Variants in CDKL2 observed in about 807,000 individuals in gnomAD.
CDKL2 encodes the protein cyclin-dependent kinase-like 2.
CDKL2 carries 64 observed loss-of-function variants against 63.9 expected under a neutral mutation model. The ratio of observed to expected loss-of-function variants is 1.00; its 90% confidence interval spans 0.82 to 1.23. The LOEUF is 1.23. CDKL2 is among the 50% of genes most tolerant of loss of function. CDKL2 has a pLI of 0.00. For synonymous variants in CDKL2, 211 were observed against 229.2 expected, an observed-to-expected ratio of 0.92 and a Z score of 0.72; for missense variants, 656 against 668.0, an observed-to-expected ratio of 0.98 and a Z score of 0.20.
At chr4:75,606,780 T>C (rs1729441546) in intron 4 of CDKL2, among the ~76,000 whole-genome samples, 1 of 152,252 alleles carries the variant, frequency 6.6e-6, no homozygotes, top group Non-Finnish European at 1.5e-5. Flanking sequence ...TACAACCCTT[T>C]CTTCTTTGAA....
chr4:75,611,448 G>A lies in CDKL2; in HGVS notation c.363+2807C>T, dbSNP rs184651644. Among the ~76,000 whole-genome samples the A allele has an allele frequency of 3.5e-5, 4 of 115,464 alleles. No homozygotes were observed. In the East Asian group the frequency reaches 8.5e-4, roughly 25 times the overall value. The allele number at this position is 115,464 out of a possible 152,430, so 75.7% of individuals were successfully genotyped here. A position where few individuals can be genotyped will look rare whatever the true frequency, so the allele number is the denominator to read the frequency against. ...CACTCTAGCATGGGTGACAGAGTGA[G>A]ATTCTGTCTCAAAAAAAAAAAAAAA... On this transcript the variant is annotated intron_variant, in intron 3 of 13. Transcript: ENST00000307465.
At position 75,621,582 on chromosome 4, in the gene CDKL2, T is replaced by A. The variant is rs575527223; in HGVS notation, c.168+4239A>T. On this transcript the variant is annotated intron_variant, in intron 2 of 13. Transcript: ENST00000307465. ...CTACAGTGCCCAGGCTGGAGTGCAG[T>A]GGCTATTCACAGGCATGATCATAGC... 6.3e-4 allele frequency among the ~76,000 whole-genome samples: 96 copies of A among 152,072 alleles called. 1 individual carries two copies. The South Asian group carries it at 6.6e-3, about 11-fold the overall frequency.
chr4:75,609,601 C>CA (rs1729593490), intron 3 of CDKL2, among the ~76,000 whole-genome samples: 1 of 145,532 alleles, frequency 6.9e-6, no homozygotes, highest in Non-Finnish European at 1.5e-5. Flanking sequence ...GACTCCATCT[C>CA]AAAAAATATA....
chr4:75,596,826 T>G, intron 9 of CDKL2, 109 bp downstream of exon 9: 1 of 917,002 alleles, frequency 1.1e-6, no homozygotes, highest in Non-Finnish European at 1.6e-6. Flanking sequence ...CAAGAATGAA[T>G]AGCATCCAGA....
chr4:75,588,321 A>G (rs1728565687), intron 12 of CDKL2, among the ~76,000 whole-genome samples: 1 of 152,140 alleles, frequency 6.6e-6, no homozygotes, highest in South Asian at 2.1e-4. Context: ...AATAACACCA[A>G]CTTATTAAAC....
At chr4:75,623,045 G>A (rs1021514206) in intron 2 of CDKL2, among the ~76,000 whole-genome samples, 9 of 152,164 alleles carry the variant, frequency 5.9e-5, no homozygotes, top group African/African-American at 1.7e-4. Context: ...GAAGGCTGAG[G>A]AGGGCGGATT....
chr4:75,623,156 G>A (rs973777344), intron 2 of CDKL2, among the ~76,000 whole-genome samples: 1 of 152,114 alleles, frequency 6.6e-6, no homozygotes. Flanking sequence ...GCACACGCCT[G>A]TAGGCCCAGC....
chr4:75,606,032 T>C (rs1729413186), intron 4 of CDKL2, among the ~76,000 whole-genome samples: 1 of 152,142 alleles, frequency 6.6e-6, no homozygotes, highest in African/African-American at 2.4e-5. Flanking sequence ...GTATACTTTA[T>C]TCTGGAAATA....
intron 12 of CDKL2, among the ~76,000 whole-genome samples, chr4:75,582,565 T>C (rs946369421): frequency 2.0e-5 from 3 of 152,104 alleles, no homozygotes; most frequent in South Asian, 4.1e-4. Flanking sequence ...TGGTCTACCA[T>C]ACATATCATT....
chr4:75,612,497 C>T (rs553593867), intron 3 of CDKL2, among the ~76,000 whole-genome samples: 41 of 152,248 alleles, frequency 2.7e-4, no homozygotes, highest in African/African-American at 9.4e-4. Flanking sequence ...CTTACTGGTT[C>T]CACTGGCAAG....
intron 5 of CDKL2, 104 bp from the exon 6 acceptor site, chr4:75,604,060 G>A: frequency 9.0e-7 from 1 of 1,111,914 alleles, no homozygotes; most frequent in Non-Finnish European, 1.3e-6. Context: ...ACAGCTTATG[G>A]AGTTTGGGGC....
chr4:75,628,316 C>G (rs1730526911), intron 1 of CDKL2, among the ~76,000 whole-genome samples: 3 of 152,014 alleles, frequency 2.0e-5, no homozygotes, highest in Admixed American at 2.0e-4. Flanking sequence ...GGGGTTTCAC[C>G]GTGTTAGCCA....
At chr4:75,614,035 C>T (rs186545074) in intron 3 of CDKL2, among the ~76,000 whole-genome samples, 2 of 151,948 alleles carry the variant, frequency 1.3e-5, no homozygotes, top group Admixed American at 6.6e-5. Context: ...CCAGCCTGGG[C>T]GAAAGAGCGA....
intron 10 of CDKL2, among the ~76,000 whole-genome samples, chr4:75,594,075 A>G (rs963297550): frequency 6.6e-6 from 1 of 152,222 alleles, no homozygotes; most frequent in African/African-American, 2.4e-5. Flanking sequence ...TAAGGTGTGA[A>G]TAAATGTATT....
chr4:75,582,392 TA>T, intron 12 of CDKL2, among the ~76,000 whole-genome samples: 1 of 152,330 alleles, frequency 6.6e-6, no homozygotes, highest in South Asian at 2.1e-4. Flanking sequence ...TCTGAAATTT[TA>T]AAATCTCACT....
chr4:75,584,970 C>A (rs542164459), intron 12 of CDKL2, among the ~76,000 whole-genome samples: 1 of 152,218 alleles, frequency 6.6e-6, no homozygotes, highest in East Asian at 1.9e-4. Flanking sequence ...TAAACGAATA[C>A]ACATTCCAAT....
intron 5 of CDKL2, among the ~76,000 whole-genome samples, chr4:75,604,815 G>T (rs765867257): frequency 1.2e-4 from 19 of 152,324 alleles, no homozygotes; most frequent in Non-Finnish European, 7.3e-5. Context: ...CTCTCTTGAG[G>T]GGAAAGGGGA....
chr4:75,621,963 A>G (rs1730174167), intron 2 of CDKL2, among the ~76,000 whole-genome samples: 1 of 152,216 alleles, frequency 6.6e-6, no homozygotes, highest in African/African-American at 2.4e-5. Flanking sequence ...TAACAATGTT[A>G]CATAGCAGCA....
At chr4:75,593,858 T>A (rs1728806438) in intron 10 of CDKL2, among the ~76,000 whole-genome samples, 1 of 151,674 alleles carries the variant, frequency 6.6e-6, no homozygotes, top group East Asian at 1.9e-4. Context: ...GAGAGGGAAA[T>A]TTGTCTCACA....
Sources: allele counts gnomAD v4.1 joint callset (sites outside exome capture counted in the v4.1 genomes callset), GRCh38; gene constraint gnomAD v4.1.1; transcripts MANE v1.5; gene names NCBI Gene and HGNC (gene_info 2026-07-23, HGNC 2026-07-21).